The following CDH13 variants were observed in gnomAD, a reference collection of about 807,000 sequenced individuals.
The protein encoded by CDH13 is cadherin 13, also known as cadherin-13.
In CDH13, 24 loss-of-function variants were observed where a neutral mutation model predicts 63.8. The ratio of observed to expected loss-of-function variants is 0.38; its 90% confidence interval spans 0.27 to 0.53. The LOEUF is 0.53. Ranked by LOEUF, CDH13 falls within the 20% of genes least tolerant of loss-of-function variation. The pLI is 0.85. For missense variants in CDH13, 1,049 were observed against 903.1 expected (o/e 1.16, Z -2.07); for synonymous variants, 503 against 355.3 (o/e 1.42, Z -4.67).
chr16:82,640,017 C>T lies in CDH13; in HGVS notation c.45+12880C>T, dbSNP rs541816189. 1.5e-4 allele frequency among the ~76,000 whole-genome samples: 23 copies of T among 152,338 alleles called. No homozygotes were observed. In the South Asian group the frequency reaches 4.6e-3, roughly 30 times the overall value. On this transcript the variant is annotated intron_variant, in intron 1 of 13. Coordinates refer to ENST00000567109, the MANE Select transcript of CDH13 (RefSeq NM_001257.5). ...GCACAATTCTCAGCATTGAGGGAGGCAGCAGTGATTAAGAAAGACAAGATT... is the reference window on the plus strand; with the variant it reads ...GCACAATTCTCAGCATTGAGGGAGGTAGCAGTGATTAAGAAAGACAAGATT...
chr16:82,873,679 A>G (rs1394140761), intron 2 of CDH13, among the ~76,000 whole-genome samples: 1 of 152,262 alleles, frequency 6.6e-6, no homozygotes. Context: ...TGCCTGCTAC[A>G]TGCAATATTT....
chr16:82,694,818 C>G (rs1289950409), intron 1 of CDH13, among the ~76,000 whole-genome samples: 1 of 152,144 alleles, frequency 6.6e-6, no homozygotes, highest in African/African-American at 2.4e-5. Flanking sequence ...ATGACTATGC[C>G]TACTTGTAAA....
chr16:83,678,596 G>A, intron 10 of CDH13, 135 bp downstream of exon 10: 3 of 1,151,012 alleles, frequency 2.6e-6, no homozygotes, highest in Non-Finnish European at 3.7e-6. Flanking sequence ...TGGGAGGAAA[G>A]CGTCATAGAG....
intron 2 of CDH13, among the ~76,000 whole-genome samples, chr16:82,965,698 G>A (rs953637866): frequency 2.4e-4 from 36 of 152,110 alleles, no homozygotes; most frequent in African/African-American, 8.0e-4. Flanking sequence ...TCACCGTGTT[G>A]GCCAGGCTGG....
At chr16:82,911,956 C>G (rs138556632) in intron 2 of CDH13, among the ~76,000 whole-genome samples, 1 of 152,118 alleles carries the variant, frequency 6.6e-6, no homozygotes, top group Non-Finnish European at 1.5e-5. Flanking sequence ...GCTGACTCCT[C>G]TCCTGAACCT....
At chr16:83,730,953 T>C (rs750622247) in intron 10 of CDH13, among the ~76,000 whole-genome samples, 5 of 152,252 alleles carry the variant, frequency 3.3e-5, no homozygotes, top group Non-Finnish European at 7.3e-5. Context: ...CTTAGGTTAA[T>C]GGCCTCCAGC....
chr16:83,489,674 A>C (rs544650170), intron 7 of CDH13, among the ~76,000 whole-genome samples: 143 of 152,320 alleles, frequency 9.4e-4, no homozygotes, highest in Non-Finnish European at 1.9e-3. Context: ...TGTAGGATTC[A>C]CATGGATGCG....
intron 1 of CDH13, among the ~76,000 whole-genome samples, chr16:82,839,518 A>T (rs1330454495): frequency 6.6e-6 from 1 of 152,160 alleles, no homozygotes. Flanking sequence ...AATCAGGAGG[A>T]TTAATCTCCC....
At chr16:83,199,959 G>A (rs762769500) in intron 4 of CDH13, among the ~76,000 whole-genome samples, 5 of 152,148 alleles carry the variant, frequency 3.3e-5, no homozygotes, top group Admixed American at 6.6e-5. Flanking sequence ...GCTATTGCTC[G>A]GGACCTAGAG....
intron 6 of CDH13, among the ~76,000 whole-genome samples, chr16:83,346,293 C>A (rs1216122762): frequency 6.6e-6 from 1 of 152,172 alleles, no homozygotes; most frequent in Non-Finnish European, 1.5e-5. Context: ...CACGTGGCCC[C>A]TCTCTGTGAG....
At chr16:83,772,575 C>T (rs1914831193) in intron 11 of CDH13, among the ~76,000 whole-genome samples, 1 of 152,210 alleles carries the variant, frequency 6.6e-6, no homozygotes, top group South Asian at 2.1e-4. Flanking sequence ...TTACAAAACA[C>T]TTCACAGGGC....
At chr16:82,649,638 C>G (rs11866558) in intron 1 of CDH13, among the ~76,000 whole-genome samples, 33,800 of 151,784 alleles carry the variant, frequency 0.22, 5,145 homozygotes, top group African/African-American at 0.43. Context: ...AAAACCAGAT[C>G]TGAACCTAAG....
At chr16:83,368,883 G>GC (rs2091304036) in intron 6 of CDH13, among the ~76,000 whole-genome samples, 2 of 25,320 alleles carry the variant, frequency 7.9e-5, no homozygotes, top group Non-Finnish European at 1.7e-4. Flanking sequence ...AGTATTCCAT[G>GC]TTATATATAT....
chr16:82,757,892 G>A (rs533117053), intron 1 of CDH13, among the ~76,000 whole-genome samples: 1 of 152,128 alleles, frequency 6.6e-6, no homozygotes, highest in East Asian at 1.9e-4. Flanking sequence ...CTCGTGATCC[G>A]CCCGCCTCGG....
chr16:82,771,702 A>T (rs1248895878), intron 1 of CDH13, among the ~76,000 whole-genome samples: 1 of 152,256 alleles, frequency 6.6e-6, no homozygotes, highest in Non-Finnish European at 1.5e-5. Context: ...CCCCAGAAGA[A>T]GGTCCTGGGA....
chr16:83,516,721 T>TA (rs1451837785), intron 7 of CDH13, among the ~76,000 whole-genome samples: 2 of 152,162 alleles, frequency 1.3e-5, no homozygotes, highest in African/African-American at 4.8e-5. Flanking sequence ...GAATATATAG[T>TA]AAAAAAGCCA....
At chr16:83,189,553 C>T (rs534260480) in intron 4 of CDH13, among the ~76,000 whole-genome samples, 10 of 152,300 alleles carry the variant, frequency 6.6e-5, no homozygotes, top group Admixed American at 3.3e-4. Flanking sequence ...TATTCATTGA[C>T]TCCCATAGTC....
chr16:82,976,765 G>T (rs1909570334), intron 2 of CDH13, among the ~76,000 whole-genome samples: 1 of 152,184 alleles, frequency 6.6e-6, no homozygotes, highest in Admixed American at 6.5e-5. Flanking sequence ...AATGCACTAA[G>T]CAAGAGTTTG....
chr16:82,938,635 A>C (rs72790147), intron 2 of CDH13, among the ~76,000 whole-genome samples: 1 of 152,162 alleles, frequency 6.6e-6, no homozygotes, highest in Non-Finnish European at 1.5e-5. Context: ...TCTTAATTGC[A>C]GTCCTCGAGA....
Sources: gnomAD v4.1 joint callset for allele counts (sites outside exome capture counted in the v4.1 genomes callset) on GRCh38, gnomAD v4.1.1 for gene constraint, MANE v1.5 for transcripts, NCBI Gene and HGNC (gene_info 2026-07-23, HGNC 2026-07-21) for gene names.